PIGL: variants seen among roughly 807,000 people sequenced by gnomAD.
The protein encoded by PIGL is N-acetylglucosaminyl-phosphatidylinositol de-N-acetylase.
A neutral mutation model predicts 31.1 loss-of-function variants in PIGL; 22 were observed. That is an observed-to-expected ratio of 0.71 (90% CI 0.51 to 1.01). The LOEUF is 1.01. Among genes scored for constraint, PIGL ranks in the 50% least tolerant of loss-of-function variants. The probability of loss-of-function intolerance (pLI) is 0.00; values close to 1 mark genes in which losing one functional copy is unlikely to be tolerated. For missense variants in PIGL, 302 were observed against 315.9 expected (o/e 0.96, Z 0.33); for synonymous variants, 131 against 117.4 (o/e 1.12, Z -0.75).
chr17:16,315,643 A>G (rs907378797), intron 4 of PIGL, among the ~76,000 whole-genome samples: 2 of 148,040 alleles, frequency 1.4e-5, no homozygotes, highest in African/African-American at 5.0e-5. Context: ...AGGACAAGCC[A>G]CTTCATTCTC....
chr17:16,218,398 A>G, intron 1 of PIGL, among the ~76,000 whole-genome samples: 1 of 152,204 alleles, frequency 6.6e-6, no homozygotes, highest in East Asian at 1.9e-4. Flanking sequence ...GGGATACAAA[A>G]GTGGAAAGCT....
chr17:16,321,331 C>T (rs2093105060), intron 6 of PIGL, among the ~76,000 whole-genome samples: 1 of 151,434 alleles, frequency 6.6e-6, no homozygotes, highest in Non-Finnish European at 1.5e-5. Flanking sequence ...CCCTCCACCT[C>T]CTGGGTTCAA....
intron 6 of PIGL, among the ~76,000 whole-genome samples, chr17:16,321,792 GT>G (rs925832593): frequency 6.1e-4 from 88 of 144,490 alleles, no homozygotes; most frequent in Non-Finnish European, 9.2e-4. Context: ...TTATTTTATG[GT>G]TTTTTTTTGA....
chr17:16,226,910 G>A (rs2092654515), intron 1 of PIGL, among the ~76,000 whole-genome samples: 1 of 152,024 alleles, frequency 6.6e-6, no homozygotes, highest in African/African-American at 2.4e-5. Flanking sequence ...TACCTCTCAG[G>A]ATTTATGTCT....
chr17:16,280,181 G>C (rs1301141335), intron 2 of PIGL, among the ~76,000 whole-genome samples: 1 of 152,220 alleles, frequency 6.6e-6, no homozygotes, highest in Non-Finnish European at 1.5e-5. Flanking sequence ...TTTCACATTG[G>C]TAATTCTAGG....
chr17:16,295,363 A>G (rs987644826), intron 2 of PIGL, among the ~76,000 whole-genome samples: 4 of 151,278 alleles, frequency 2.6e-5, no homozygotes, highest in African/African-American at 9.7e-5. Context: ...AGATCATGCC[A>G]CTGCACTCCA....
Position 16,234,028 on chromosome 17 carries a change from T to C in PIGL, c.293T>C (p.Val98Ala). ...RKKELLQSCDVLGIPLSSVMI... is the reference protein window; with the variant it reads ...RKKELLQSCDALGIPLSSVMI... ...AAAGAACTTTTGCAGAGCTGTGATG[T>C]TTTGGGGATTCCACTCTCCAGTGTA... Residue 98 changes from valine (V) to alanine (A), a missense_variant, in exon 2 of 7, where the codon GTT becomes GCT. By Grantham distance (64) the Val-to-Ala change is moderately conservative. Coordinates refer to ENST00000225609, the MANE Select transcript of PIGL (RefSeq NM_004278.4). 1 of 1,607,968 alleles carries C rather than the reference T, an allele frequency of 6.2e-7. No homozygotes were observed. The highest frequency in any genetic ancestry group is 1.1e-5 in the South Asian group (1 of 90,936).
intron 3 of PIGL, among the ~76,000 whole-genome samples, chr17:16,308,518 C>T (rs2093035511): frequency 6.6e-6 from 1 of 152,108 alleles, no homozygotes; most frequent in Admixed American, 6.6e-5. Flanking sequence ...GGGAATACAA[C>T]AGTGAGCCAG....
At chr17:16,288,181 TTTCCTTCC>T (rs374151719) in intron 2 of PIGL, among the ~76,000 whole-genome samples, 7 of 152,148 alleles carry the variant, frequency 4.6e-5, no homozygotes, top group Admixed American at 4.6e-4. Context: ...ACCTGTTTTC[TTTCCTTCC>T]TTCCTTCCTT....
intron 1 of PIGL, 106 bp from the exon 2 acceptor site, chr17:16,233,865 G>A: frequency 3.3e-6 from 2 of 607,478 alleles, no homozygotes; most frequent in South Asian, 2.1e-5. Context: ...ACATTTTCAG[G>A]CAGCTTAAAT....
At chr17:16,265,532 G>A (rs1195763524) in intron 2 of PIGL, among the ~76,000 whole-genome samples, 1 of 151,918 alleles carries the variant, frequency 6.6e-6, no homozygotes, top group African/African-American at 2.4e-5. Context: ...CATGAGGTGA[G>A]GAGTTCGAGA....
chr17:16,301,482 C>T (rs1053375310), intron 3 of PIGL, among the ~76,000 whole-genome samples: 8 of 151,930 alleles, frequency 5.3e-5, no homozygotes, highest in Non-Finnish European at 1.5e-5. Flanking sequence ...TCAGGCTGGT[C>T]TCAAACTCCT....
At chr17:16,316,548 T>C in intron 4 of PIGL, 133 bp from the exon 5 acceptor site, 4 of 818,714 alleles carry the variant, frequency 4.9e-6, no homozygotes, top group Non-Finnish European at 7.5e-6. Context: ...CAGTGATTTA[T>C]GCAAAAGAAA....
chr17:16,282,542 A>G (rs1230126379), intron 2 of PIGL, among the ~76,000 whole-genome samples: 2 of 152,172 alleles, frequency 1.3e-5, no homozygotes, highest in Non-Finnish European at 2.9e-5. Flanking sequence ...TTGATTTCAC[A>G]AAATATCCCT....
At chr17:16,217,637 G>GCCA in intron 1 of PIGL, 176 bp downstream of exon 1, 9 of 529,966 alleles carry the variant, frequency 1.7e-5, no homozygotes, top group South Asian at 6.0e-5. Context: ...TTACCTGGTG[G>GCCA]GTTGGGGGAC....
rs749459552 is a variant in PIGL at position 16,258,069 on chromosome 17, A to AAGAGAGAG, written c.335+24025_335+24032dup. ...CAGGAGCAAAACTTTGTCAGAAAGA[A>AAGAGAGAG]AGAGAGAGAGAGAGAGAGAGAGAGA... is the stretch of plus-strand genomic sequence containing the variant. On this transcript the variant is annotated intron_variant, in intron 2 of 6. Transcript: ENST00000225609. 1.1e-3 allele frequency among the ~76,000 whole-genome samples: 104 copies of AAGAGAGAG among 90,542 alleles called. 1 individual carries two copies. The highest frequency in any genetic ancestry group is 7.5e-3 in the Middle Eastern group (1 of 134). The allele number at this position is 90,542 out of a possible 152,430, so 59.4% of individuals were successfully genotyped here.
chr17:16,222,381 G>C (rs1425058042), intron 1 of PIGL, among the ~76,000 whole-genome samples: 1 of 151,894 alleles, frequency 6.6e-6, no homozygotes, highest in African/African-American at 2.4e-5. Flanking sequence ...ATTCTAACAA[G>C]ATCTTCAGTT....
intron 2 of PIGL, among the ~76,000 whole-genome samples, chr17:16,245,747 TAC>T (rs1049390914): frequency 1.3e-4 from 19 of 150,434 alleles, no homozygotes; most frequent in African/African-American, 3.2e-4. Context: ...CACATATATA[TAC>T]ACACACATAT....
At chr17:16,284,817 C>T (rs117501212) in intron 2 of PIGL, among the ~76,000 whole-genome samples, 1 of 152,234 alleles carries the variant, frequency 6.6e-6, no homozygotes, top group Admixed American at 6.5e-5. Context: ...AATAATACTC[C>T]GGTCTCCATT....
Sources: gnomAD v4.1 joint callset for allele counts (sites outside exome capture counted in the v4.1 genomes callset) on GRCh38, gnomAD v4.1.1 for gene constraint, MANE v1.5 for transcripts, NCBI Gene and HGNC (gene_info 2026-07-23, HGNC 2026-07-21) for gene names.